Variants in CSMD1 observed in about 807,000 individuals in gnomAD.
CSMD1 encodes CUB and Sushi multiple domains 1.
In CSMD1, 213 loss-of-function variants were observed where a neutral mutation model predicts 417.5. That is an observed-to-expected ratio of 0.51 (90% CI 0.46 to 0.57). The LOEUF (loss-of-function observed/expected upper bound fraction) is 0.57, where lower values mean the gene tolerates loss of function less well. CSMD1 is among the 20% of genes least tolerant of loss of function. The pLI is 0.00. For synonymous variants in CSMD1, 2,862 were observed against 1,736.8 expected (o/e 1.65, Z -16.11); for missense variants, 6,923 against 4,529.7 (o/e 1.53, Z -15.17).
chr8:4,374,996 G>T (rs1370370174), intron 3 of CSMD1, among the ~76,000 whole-genome samples: 1 of 149,240 alleles, frequency 6.7e-6, no homozygotes, highest in Non-Finnish European at 1.5e-5. Context: ...TACGGGCAAG[G>T]AGCAATAGTG....
chr8:4,538,901 A>C (rs895986767), intron 2 of CSMD1, among the ~76,000 whole-genome samples: 1 of 152,122 alleles, frequency 6.6e-6, no homozygotes, highest in South Asian at 2.1e-4. Context: ...CCTTTTATGG[A>C]ATCTTTGAAT....
In CSMD1 at chr8:3,416,366, A is replaced by G. The variant is rs530813149; in HGVS notation, c.1562-6761T>C. 3.9e-5 allele frequency among the ~76,000 whole-genome samples: 6 copies of G among 152,198 alleles called. No individual in the cohort carries two copies. In the East Asian group the frequency reaches 5.8e-4, roughly 15 times the overall value. ...TAGTTTAGAAAACTGGCCCTTTAAC[A>G]AAACAAATAACAGAGGACCAAACAC... On this transcript the variant is annotated intron_variant, in intron 12 of 69. Transcript: ENST00000635120.
chr8:3,573,776 A>G (rs143900604), intron 10 of CSMD1, among the ~76,000 whole-genome samples: 12 of 152,190 alleles, frequency 7.9e-5, no homozygotes, highest in African/African-American at 2.9e-4. Flanking sequence ...GTAATAACTC[A>G]ATAATTGGTA....
chr8:3,954,613 T>A (rs899735004), intron 5 of CSMD1, among the ~76,000 whole-genome samples: 3 of 152,198 alleles, frequency 2.0e-5, no homozygotes, highest in Non-Finnish European at 4.4e-5. Flanking sequence ...CCGCCCACCT[T>A]GGCCTCCCAA....
At chr8:3,270,298 C>T (rs1019462545) in intron 26 of CSMD1, among the ~76,000 whole-genome samples, 2 of 151,952 alleles carry the variant, frequency 1.3e-5, no homozygotes, top group Non-Finnish European at 1.5e-5. Context: ...CCTTGTGATC[C>T]GTCTGCCTTG....
intron 3 of CSMD1, among the ~76,000 whole-genome samples, chr8:4,134,555 G>A (rs373961984): frequency 2.6e-5 from 4 of 152,130 alleles, no homozygotes; most frequent in African/African-American, 4.8e-5. Flanking sequence ...CTAGTCTGTG[G>A]CACATTGTTA....
chr8:3,037,058 G>T (rs1209426729), intron 50 of CSMD1, among the ~76,000 whole-genome samples: 2 of 152,120 alleles, frequency 1.3e-5, no homozygotes, highest in Admixed American at 6.5e-5. Context: ...CCACTTAAAA[G>T]TGAGAACATA....
chr8:4,806,702 T>C (rs1798608341), intron 1 of CSMD1, among the ~76,000 whole-genome samples: 1 of 152,224 alleles, frequency 6.6e-6, no homozygotes. Flanking sequence ...GAGTTTCATG[T>C]AGAGTATGCT....
chr8:4,100,536 T>C (rs73173834), intron 3 of CSMD1, among the ~76,000 whole-genome samples: 2,112 of 152,298 alleles, frequency 0.014, 36 homozygotes, highest in South Asian at 0.033. Flanking sequence ...TATAGAAGTG[T>C]TGAAGGATCA....
intron 3 of CSMD1, among the ~76,000 whole-genome samples, chr8:4,066,462 A>C (rs1307037112): frequency 1.3e-5 from 2 of 152,196 alleles, no homozygotes; most frequent in African/African-American, 4.8e-5. Context: ...ATATTTTCCA[A>C]ATAAATGATG....
intron 3 of CSMD1, among the ~76,000 whole-genome samples, chr8:4,062,991 C>T (rs947088545): frequency 6.6e-6 from 1 of 151,742 alleles, no homozygotes; most frequent in Non-Finnish European, 1.5e-5. Flanking sequence ...ATAGGTAATC[C>T]AGACACTTAT....
intron 2 of CSMD1, among the ~76,000 whole-genome samples, chr8:4,494,262 T>G (rs555702535): frequency 2.0e-5 from 3 of 152,364 alleles, no homozygotes; most frequent in African/African-American, 7.2e-5. Context: ...AAAGGAAGAA[T>G]GTCATTTACT....
intron 2 of CSMD1, among the ~76,000 whole-genome samples, chr8:4,510,233 G>C (rs1295361416): frequency 6.6e-6 from 1 of 151,882 alleles, no homozygotes; most frequent in African/African-American, 2.4e-5. Flanking sequence ...GGAACTGTGA[G>C]TCAATTAAAC....
chr8:4,215,181 T>G (rs771377495), intron 3 of CSMD1, among the ~76,000 whole-genome samples: 1 of 152,210 alleles, frequency 6.6e-6, no homozygotes, highest in Non-Finnish European at 1.5e-5. Flanking sequence ...AGGGACCTTG[T>G]GTCCACGGCA....
chr8:4,335,724 T>A (rs1005861037), intron 3 of CSMD1, among the ~76,000 whole-genome samples: 1 of 152,096 alleles, frequency 6.6e-6, no homozygotes, highest in Non-Finnish European at 1.5e-5. Context: ...TAACAAATAG[T>A]GTACCTTAAT....
At chr8:3,502,598 A>T (rs891030464) in intron 10 of CSMD1, among the ~76,000 whole-genome samples, 1 of 152,178 alleles carries the variant, frequency 6.6e-6, no homozygotes, top group Non-Finnish European at 1.5e-5. Flanking sequence ...ACCAAGTGAA[A>T]CAAGCCAATT....
At chr8:4,002,724 T>G (rs1245674897) in intron 4 of CSMD1, among the ~76,000 whole-genome samples, 3 of 152,182 alleles carry the variant, frequency 2.0e-5, no homozygotes, top group Admixed American at 6.5e-5. Context: ...TATGATTAAA[T>G]GTACATCATA....
At chr8:3,895,936 G>C (rs772983791) in intron 5 of CSMD1, among the ~76,000 whole-genome samples, 1 of 152,118 alleles carries the variant, frequency 6.6e-6, no homozygotes, top group Admixed American at 6.5e-5. Flanking sequence ...CAACCAATAG[G>C]CACTTTAGGT....
chr8:4,667,119 A>T (rs1254762701), intron 1 of CSMD1, among the ~76,000 whole-genome samples: 1 of 152,136 alleles, frequency 6.6e-6, no homozygotes, highest in Non-Finnish European at 1.5e-5. Flanking sequence ...TTTTTTCTCC[A>T]TTGTGTTACC....
Sources: allele counts gnomAD v4.1 joint callset (sites outside exome capture counted in the v4.1 genomes callset), GRCh38; gene constraint gnomAD v4.1.1; transcripts MANE v1.5; gene names NCBI Gene and HGNC (gene_info 2026-07-23, HGNC 2026-07-21).